The following CSTF3 variants were observed in gnomAD, a reference collection of about 807,000 sequenced individuals.
CSTF3 encodes the protein CF-1 77 kDa subunit.
A neutral mutation model predicts 105.8 loss-of-function variants in CSTF3; 29 were observed. The ratio of observed to expected loss-of-function variants is 0.27; its 90% CI spans 0.20 to 0.37. CSTF3 has a LOEUF of 0.37. Among genes scored for constraint, CSTF3 ranks in the 10% least tolerant of loss-of-function variants. CSTF3 has a pLI of 1.00. For synonymous variants in CSTF3, 252 were observed against 281.9 expected, an observed-to-expected ratio of 0.89 and a Z score of 1.06; for missense variants, 357 against 879.3, an observed-to-expected ratio of 0.41 and a Z score of 7.51.
chr11:33,158,006 T>A (rs1849887693), intron 1 of CSTF3, among the ~76,000 whole-genome samples: 1 of 152,220 alleles, frequency 6.6e-6, no homozygotes, highest in African/African-American at 2.4e-5. Context: ...TTTTCCATCC[T>A]TAAGGTGTTA....
intron 18 of CSTF3, among the ~76,000 whole-genome samples, 196 bp from the exon 19 acceptor site, chr11:33,086,185 T>C (rs1042566844): frequency 1.3e-5 from 2 of 152,192 alleles, no homozygotes; most frequent in African/African-American, 4.8e-5. Context: ...GGCAGAGAAG[T>C]AGACAAGTGA....
At chr11:33,127,747 T>C (rs1855558122) in intron 3 of CSTF3, among the ~76,000 whole-genome samples, 2 of 152,214 alleles carry the variant, frequency 1.3e-5, no homozygotes, top group Non-Finnish European at 2.9e-5. Flanking sequence ...CTTTCGCTTT[T>C]CTCAATTTTA....
intron 3 of CSTF3, among the ~76,000 whole-genome samples, chr11:33,122,105 A>G (rs1036399357): frequency 1.3e-5 from 2 of 152,230 alleles, no homozygotes; most frequent in Admixed American, 6.5e-5. Flanking sequence ...AAAATAATCT[A>G]TGGATTAGCT....
intron 3 of CSTF3, chr11:33,134,379 A>G (rs928653977): frequency 6.6e-6 from 1 of 152,210 alleles, no homozygotes; most frequent in African/African-American, 2.4e-5. Flanking sequence ...CTAATACCCA[A>G]TACCATACCC....
chr11:33,105,554 T>C lies in CSTF3; in HGVS notation c.585+13A>G, dbSNP rs752920116. 44 of 1,600,244 alleles carry C rather than the reference T, an allele frequency of 2.7e-5. No homozygotes were observed. Among genetic ancestry groups the C allele is most frequent in the Non-Finnish European group, 3.5e-5 (41 of 1,175,214 alleles). ...CTTGGTTTATAATAAACAACTACTC[T>C]GACCTAATTTACCTCTTCATACTTG... On this transcript the variant is annotated intron_variant, in intron 8 of 20. Coordinates refer to ENST00000323959, the MANE Select transcript of CSTF3 (RefSeq NM_001326.3).
rs563353162 is a variant in CSTF3 at position 33,084,801 on chromosome 11, C to T, written c.*286G>A. ...GTTGAAAAACTCACAAATCTTCAAG[C>T]GGCACATACAAGACACCCTTGAAGA... On this transcript the variant is annotated 3_prime_UTR_variant, in exon 21 of 21. Transcript: ENST00000323959. 5.0e-5 allele frequency: 19 copies of T among 378,470 alleles called. No individual in the cohort carries two copies. Among genetic ancestry groups the T allele is most frequent in the South Asian group, 3.5e-4 (9 of 25,558 alleles). The allele number at this position is 378,470 out of a possible 1,614,324, so 23.4% of individuals were successfully genotyped here. A position where few individuals can be genotyped will look rare whatever the true frequency, so the allele number is the denominator to read the frequency against.
At chr11:33,096,605 T>C (rs1208975500) in intron 14 of CSTF3, among the ~76,000 whole-genome samples, 197 bp from the exon 15 acceptor site, 1 of 152,224 alleles carries the variant, frequency 6.6e-6, no homozygotes, top group African/African-American at 2.4e-5. Context: ...TAGTGATTAA[T>C]ATAGTGATTA....
At chr11:33,148,953 C>T (rs758270869) in intron 1 of CSTF3, among the ~76,000 whole-genome samples, 1 of 150,930 alleles carries the variant, frequency 6.6e-6, no homozygotes, top group Non-Finnish European at 1.5e-5. Context: ...CAGCCTCCCA[C>T]GTAGCTGGGA....
chr11:33,147,949 T>C (rs546499265), intron 1 of CSTF3, among the ~76,000 whole-genome samples: 144 of 152,258 alleles, frequency 9.5e-4, no homozygotes, highest in Middle Eastern at 3.4e-3. Context: ...AGGGAAAGGA[T>C]TGTAGACAAG....
At chr11:33,143,532 T>C (rs1435622618) in intron 1 of CSTF3, among the ~76,000 whole-genome samples, 2 of 151,988 alleles carry the variant, frequency 1.3e-5, no homozygotes, top group South Asian at 2.1e-4. Context: ...GGCAGATTAC[T>C]TGCGGCCAGG....
In CSTF3 at chr11:33,103,185, C is replaced by A; in HGVS notation, c.586-1G>T. 1.3e-6 allele frequency: 2 copies of A among 1,495,468 alleles called. No homozygotes were observed. Among genetic ancestry groups the A allele is most frequent in the Admixed American group, 2.2e-5 (1 of 45,990 alleles). The allele number at this position is 1,495,468 out of a possible 1,614,324, so 92.6% of individuals were successfully genotyped here. A position where few individuals can be genotyped will look rare whatever the true frequency, so the allele number is the denominator to read the frequency against. On this transcript the variant is annotated splice_acceptor_variant, in intron 8 of 20. Transcript: ENST00000323959. LOFTEE classifies it high-confidence loss of function. ...TTTTAGCTAAATGAATATTGATACC[C>A]TAGAAAAAAACAAAAATATTTTAAA...
chr11:33,139,070 A>G (rs1232690600), intron 3 of CSTF3, among the ~76,000 whole-genome samples: 1 of 151,936 alleles, frequency 6.6e-6, no homozygotes, highest in Non-Finnish European at 1.5e-5. Flanking sequence ...CTCATATAGC[A>G]GCATCATTAA....
Position 33,099,289 on chromosome 11 carries a change from CCACACA to C in CSTF3, c.937-145_937-140del. 1 of 1,051,486 alleles carries C rather than the reference CCACACA, an allele frequency of 9.5e-7. No individual in the cohort carries two copies. The highest frequency in any genetic ancestry group is 3.1e-5 in the Admixed American group (1 of 32,462). The allele number at this position is 1,051,486 out of a possible 1,614,324, so 65.1% of individuals were successfully genotyped here. ...TGTATGTACACACATATATATGTAT[CCACACA>C]CACACATACATAAACACATATGCAT... On this transcript the variant is annotated intron_variant, in intron 11 of 20. Transcript: ENST00000323959. This position sits in a 1 kb window ranked among gnomAD's most constrained non-coding sequence, Gnocchi z 4.1.
At chr11:33,096,031 A>C (rs115024325) in intron 15 of CSTF3, among the ~76,000 whole-genome samples, 12 of 152,270 alleles carry the variant, frequency 7.9e-5, no homozygotes, top group African/African-American at 2.9e-4. Context: ...AGATGAATAT[A>C]AACAACTCTG....
intron 3 of CSTF3, among the ~76,000 whole-genome samples, chr11:33,116,112 T>C (rs185002751): frequency 5.0e-4 from 76 of 152,198 alleles, no homozygotes; most frequent in Non-Finnish European, 7.8e-4. Flanking sequence ...ATGATTAAAA[T>C]TGAAATGTGC....
chr11:33,099,847 AT>A lies in CSTF3; in HGVS notation c.827-131del, dbSNP rs1407980850. The A allele has an allele frequency of 2.2e-5, 12 of 538,420 alleles. No homozygotes were observed. The East Asian group carries it at 4.5e-4, about 20-fold the overall frequency. 33.4% of individuals were successfully genotyped at this position (538,420 alleles called of 1,614,324 possible). ...TAATTAGAAATAAAAAGCTTTAGTGATTTCTGGCACCATCATCCATCCAAGT... is the reference window on the plus strand; with the variant it reads ...TAATTAGAAATAAAAAGCTTTAGTGATTCTGGCACCATCATCCATCCAAGT... On this transcript the variant is annotated intron_variant, in intron 10 of 20. Coordinates refer to ENST00000323959, the MANE Select transcript of CSTF3 (RefSeq NM_001326.3). This position sits in a 1 kb window ranked among gnomAD's most constrained non-coding sequence, Gnocchi z 4.1.
chr11:33,112,924 AACC>A (rs1179851427), intron 3 of CSTF3, among the ~76,000 whole-genome samples: 5 of 152,066 alleles, frequency 3.3e-5, no homozygotes, highest in African/African-American at 9.7e-5. Flanking sequence ...GACCATTATA[AACC>A]ACATTACATG....
In CSTF3 at chr11:33,085,117, G is replaced by A; in HGVS notation, c.2124C>T (p.Tyr708=). 6.2e-7 allele frequency: 1 copy of A among 1,614,182 alleles called. No individual in the cohort carries two copies. The highest frequency in any genetic ancestry group is 8.5e-7 in the Non-Finnish European group (1 of 1,180,024). ...GAVVPPVHDI[Y]RARQQKRIR The stretch of plus-strand genomic sequence containing the variant: ...GAATCCGCTTCTGCTGCCGTGCTCT[G>A]TAAATGTCATGAACAGGGGGGACAA... The change falls in exon 21 of 21, where the codon TAC becomes TAT. Residue 708 remains tyrosine (Y), a synonymous_variant. Coordinates refer to ENST00000323959, the MANE Select transcript of CSTF3 (RefSeq NM_001326.3).
intron 1 of CSTF3, among the ~76,000 whole-genome samples, chr11:33,158,240 C>T (rs1046341084): frequency 6.6e-6 from 1 of 152,072 alleles, no homozygotes; most frequent in Non-Finnish European, 1.5e-5. Context: ...TGTTGATAAT[C>T]AGATGTCTAA....
Sources: gnomAD v4.1 joint callset for allele counts (sites outside exome capture counted in the v4.1 genomes callset) on GRCh38, gnomAD v4.1.1 for gene constraint, Gnocchi (gnomAD v3.1) non-coding constraint, MANE v1.5 for transcripts, NCBI Gene and HGNC (gene_info 2026-07-23, HGNC 2026-07-21) for gene names.